Variants in TSHZ3 observed in about 807,000 individuals in gnomAD.
TSHZ3 encodes teashirt homolog 3.
Under a neutral mutation model 64.5 loss-of-function variants are expected in TSHZ3, and 10 were observed. The ratio of observed to expected loss-of-function variants is 0.16; its 90% CI spans 0.10 to 0.26. The LOEUF is 0.26. Ranked by LOEUF, TSHZ3 falls within the 10% of genes least tolerant of loss-of-function variation. The pLI is 1.00. For missense variants in TSHZ3, 1,242 were observed against 1,421.7 expected (o/e 0.87, Z 2.03); for synonymous variants, 608 against 593.1 (o/e 1.03, Z -0.36).
chr19:31,304,559 TAATTA>T (rs1438139580), intron 1 of TSHZ3, among the ~76,000 whole-genome samples: 1 of 152,206 alleles, frequency 6.6e-6, no homozygotes, highest in Admixed American at 6.5e-5. Flanking sequence ...TGAAAATGTA[TAATTA>T]AATTAATCAT....
intron 1 of TSHZ3, among the ~76,000 whole-genome samples, chr19:31,334,549 C>T (rs887652311): frequency 6.6e-5 from 10 of 152,202 alleles, no homozygotes; most frequent in Non-Finnish European, 1.3e-4. Context: ...CATCCTAAGG[C>T]TTCAGGCAAA....
At chr19:31,216,084 G>GTGTA (rs3973885) in intron 4 of TSHZ3, among the ~76,000 whole-genome samples, 92,451 of 151,234 alleles carry the variant, frequency 0.61, 28,412 homozygotes, top group Middle Eastern at 0.71. Context: ...CTTTATGATG[G>GTGTA]TGTATGTATA....
intron 1 of TSHZ3, among the ~76,000 whole-genome samples, chr19:31,242,926 T>A (rs1185236752): frequency 1.3e-5 from 2 of 152,120 alleles, no homozygotes; most frequent in African/African-American, 4.8e-5. Context: ...TTTGTTCTAT[T>A]TGGGACCCCA....
intron 3 of TSHZ3, among the ~76,000 whole-genome samples, chr19:31,232,333 C>G (rs192333267): frequency 1.3e-5 from 2 of 152,254 alleles, no homozygotes; most frequent in Non-Finnish European, 2.9e-5. Context: ...CAGAGGCCAA[C>G]AAGCAGTGAT....
intron 1 of TSHZ3, among the ~76,000 whole-genome samples, chr19:31,258,255 C>A (rs1454341971): frequency 1.3e-5 from 2 of 152,130 alleles, no homozygotes; most frequent in Non-Finnish European, 2.9e-5. Context: ...TGGGGCCTGC[C>A]ATGAGGGTAG....
chr19:31,326,657 T>C (rs572250455), intron 1 of TSHZ3, among the ~76,000 whole-genome samples: 9 of 152,188 alleles, frequency 5.9e-5, no homozygotes, highest in Non-Finnish European at 8.8e-5. Flanking sequence ...GAAGCAACCA[T>C]CTTCAGGAGG....
chr19:31,202,369 T>C (rs1975100289), intron 5 of TSHZ3, among the ~76,000 whole-genome samples: 1 of 152,196 alleles, frequency 6.6e-6, no homozygotes, highest in Non-Finnish European at 1.5e-5. Flanking sequence ...TTTACATACA[T>C]AATACATATA....
At chr19:31,203,492 T>C (rs1433092661) in intron 5 of TSHZ3, among the ~76,000 whole-genome samples, 2 of 150,000 alleles carry the variant, frequency 1.3e-5, no homozygotes, top group Admixed American at 1.3e-4. Context: ...GGGCACAAGG[T>C]GGGGGTGGGT....
chr19:31,184,491 G>T (rs1201903427), intron 5 of TSHZ3, among the ~76,000 whole-genome samples: 1 of 152,136 alleles, frequency 6.6e-6, no homozygotes, highest in Admixed American at 6.5e-5. Context: ...TACAATCAGG[G>T]TGATTACAGC....
chr19:31,175,600 G>A (rs1000916020), intron 5 of TSHZ3, among the ~76,000 whole-genome samples: 1 of 152,224 alleles, frequency 6.6e-6, no homozygotes, highest in Non-Finnish European at 1.5e-5. Context: ...TGAAGGACAA[G>A]GTTCCTCCTT....
intron 5 of TSHZ3, among the ~76,000 whole-genome samples, chr19:31,178,459 C>A (rs960260992): frequency 1.3e-5 from 2 of 152,268 alleles, no homozygotes; most frequent in African/African-American, 4.8e-5. Context: ...TCAGGTGGAT[C>A]GCCTGAGGTC....
exon 7 of TSHZ3, among the ~76,000 whole-genome samples, chr19:31,150,280 C>T (rs1196306125): frequency 6.6e-6 from 1 of 152,172 alleles, no homozygotes; most frequent in East Asian, 1.9e-4. Flanking sequence ...GTCCCGGGCT[C>T]TTTCTGTCTT....
At chr19:31,305,431 C>G (rs1916266045) in intron 1 of TSHZ3, 1 of 152,100 alleles carries the variant, frequency 6.6e-6, no homozygotes, top group South Asian at 2.1e-4. Context: ...TAGCATGGAC[C>G]TCTTCTGAAT....
At chr19:31,240,640 A>G (rs1402620756) in intron 3 of TSHZ3, among the ~76,000 whole-genome samples, 1 of 152,204 alleles carries the variant, frequency 6.6e-6, no homozygotes, top group Non-Finnish European at 1.5e-5. Flanking sequence ...GGACACTCAC[A>G]CTTTGAAAAC....
At chr19:31,310,581 T>C (rs961414571) in intron 1 of TSHZ3, among the ~76,000 whole-genome samples, 1 of 152,072 alleles carries the variant, frequency 6.6e-6, no homozygotes, top group Non-Finnish European at 1.5e-5. Context: ...GGCACAGAAT[T>C]CAGAATGAAT....
chr19:31,320,069 C>T (rs770115254), intron 1 of TSHZ3, among the ~76,000 whole-genome samples: 5 of 152,196 alleles, frequency 3.3e-5, no homozygotes, highest in Non-Finnish European at 7.3e-5. Context: ...CACCCTGAAA[C>T]ATTTTCTCGG....
chr19:31,179,729 AGGTGGTGGT>A (rs61269486), intron 5 of TSHZ3, among the ~76,000 whole-genome samples: 1 of 147,234 alleles, frequency 6.8e-6, no homozygotes, highest in Admixed American at 6.7e-5. Flanking sequence ...TGATGATGGT[AGGTGGTGGT>A]GGTGGTGGTG....
At chr19:31,178,843 A>G (rs1170347574) in intron 5 of TSHZ3, among the ~76,000 whole-genome samples, 1 of 152,182 alleles carries the variant, frequency 6.6e-6, no homozygotes, top group East Asian at 1.9e-4. Context: ...GTAGAAGATA[A>G]TGCCTGAGCT....
chr19:31,342,582 T>A (rs1404261418), intron 1 of TSHZ3, among the ~76,000 whole-genome samples: 5 of 152,206 alleles, frequency 3.3e-5, no homozygotes, highest in Admixed American at 3.3e-4. Flanking sequence ...AATTGTTCAT[T>A]AAAAATTGCC....
Sources: gnomAD v4.1 joint callset for allele counts (sites outside exome capture counted in the v4.1 genomes callset) on GRCh38, gnomAD v4.1.1 for gene constraint, MANE v1.5 for transcripts, NCBI Gene and HGNC (gene_info 2026-07-23, HGNC 2026-07-21) for gene names.